Variants in MYH8 observed in about 807,000 individuals in gnomAD.
MYH8 encodes myosin-8.
Under a neutral mutation model 233.2 loss-of-function variants are expected in MYH8, and 168 were observed. That is an observed-to-expected ratio of 0.72 (90% confidence interval 0.64 to 0.82). The LOEUF is 0.82. Ranked by LOEUF, MYH8 falls within the 40% of genes least tolerant of loss-of-function variation. The pLI is 0.00. For synonymous variants in MYH8, 785 were observed against 850.6 expected, an observed-to-expected ratio of 0.92 and a Z score of 1.34; for missense variants, 1,995 against 2,327.8, an observed-to-expected ratio of 0.86 and a Z score of 2.94.
At chr17:10,401,484 A>G in intron 23 of MYH8, 33 bp from the exon 24 acceptor site, 1 of 1,614,148 alleles carries the variant, frequency 6.2e-7, no homozygotes, top group Non-Finnish European at 8.5e-7. Flanking sequence ...TATTTCTCCT[A>G]TAAAGCAATT....
At position 10,395,184 on chromosome 17, in the gene MYH8, G is replaced by A; in HGVS notation, c.4911C>T (p.Arg1637=). The change falls in exon 34 of 40, where the codon CGC becomes CGT. Residue 1637 remains arginine, a synonymous_variant. Transcript: ENST00000403437. ...EMEIQLNHAN[R]LAAESLRNYR... ...AGTTCCTTAAACTCTCTGCAGCTAA[G>A]CGATTGGCATGGTTCAGCTGGATTT... The A allele has an allele frequency of 6.2e-7, 1 of 1,614,084 alleles. No homozygotes were observed. Among genetic ancestry groups the A allele is most frequent in the Middle Eastern group, 1.7e-4 (1 of 6,014 alleles).
chr17:10,410,449 G>A (rs1011427922), intron 15 of MYH8, among the ~76,000 whole-genome samples: 1 of 152,134 alleles, frequency 6.6e-6, no homozygotes, highest in African/African-American at 2.4e-5. Flanking sequence ...TTTTATTGTG[G>A]ACATCATGGA....
At position 10,419,125 on chromosome 17, in the gene MYH8, T is replaced by A; in HGVS notation, c.211-95A>T. 7.0e-7 allele frequency: 1 copy of A among 1,418,832 alleles called. No homozygotes were observed. Among genetic ancestry groups the A allele is most frequent in the Non-Finnish European group, 9.8e-7 (1 of 1,017,460 alleles). The allele number at this position is 1,418,832 out of a possible 1,614,324, so 87.9% of individuals were successfully genotyped here. The stretch of plus-strand genomic sequence containing the variant: ...CAGGCTGGAGTGCAGTGGCGCGATC[T>A]CAGCTCACTGCAACCTCCGCCCTCC... On this transcript the variant is annotated intron_variant, in intron 3 of 39. Transcript: ENST00000403437. The surrounding 1 kb of genome is among the most constrained non-coding windows in gnomAD (Gnocchi z 4.0).
At chr17:10,394,108 G>T in intron 35 of MYH8, 141 bp downstream of exon 35, 1 of 1,099,214 alleles carries the variant, frequency 9.1e-7, no homozygotes, top group East Asian at 3.0e-5. Context: ...ATTACCCTAA[G>T]ATAATAGCAA....
Position 10,412,748 on chromosome 17 carries a change from G to A in MYH8, c.1148-20C>T, listed in dbSNP as rs1338006754. On this transcript the variant is annotated intron_variant, in intron 12 of 39. Coordinates refer to ENST00000403437, the MANE Select transcript of MYH8 (RefSeq NM_002472.3). ...CAGCGACTGCAGAGACACAGTTCAG[G>A]ACATGTTGTTTCATGAAGGATATCC... is the stretch of plus-strand genomic sequence containing the variant. The A allele has an allele frequency of 6.3e-7, 1 of 1,574,878 alleles. No homozygotes were observed. The highest frequency in any genetic ancestry group is 8.7e-7 in the Non-Finnish European group (1 of 1,144,624).
Position 10,420,085 on chromosome 17 carries a change from G to A in MYH8, c.143C>T (p.Ser48Phe), listed in dbSNP as rs146669648. 379 of 1,614,124 alleles carry A rather than the reference G, an allele frequency of 2.3e-4. No homozygotes were observed. In the African/African-American group the frequency reaches 3.7e-3, roughly 16 times the overall value. The change falls in exon 3 of 40, where the codon TCC becomes TTC. Residue 48 changes from serine to phenylalanine, a missense_variant. Ser to Phe is a radical substitution (Grantham distance 155). Around this residue, in one of 3 missense-constraint regions of MYH8, gnomAD observed 479 missense variants for 600.9 expected, o/e 0.80. Transcript: ENST00000403437. ...TSVFVAEPKE[S>F]YVKSTIQSKE... Reference sequence around the variant, plus strand: ...GCTTTGTATAGTGCTCTTCACATAGGATTCCTTGGGCTCCGCCACAAAGAC... The same window carrying A: ...GCTTTGTATAGTGCTCTTCACATAGAATTCCTTGGGCTCCGCCACAAAGAC...
intron 38 of MYH8, 38 bp from the exon 39 acceptor site, chr17:10,392,015 A>G: frequency 6.5e-7 from 1 of 1,548,536 alleles, no homozygotes; most frequent in Non-Finnish European, 8.9e-7. Flanking sequence ...TTCATTCCGA[A>G]GAGATAAGGC....
intron 35 of MYH8, among the ~76,000 whole-genome samples, 168 bp downstream of exon 35, chr17:10,394,080 AT>A (rs2072056976): frequency 2.0e-5 from 3 of 151,022 alleles, no homozygotes; most frequent in African/African-American, 7.3e-5. Flanking sequence ...ACAAAAAAAA[AT>A]CACCCATAAT....
Position 10,400,076 on chromosome 17 carries a change from G to A in MYH8, c.3735+314C>T, listed in dbSNP as rs1336868640. Among the ~76,000 whole-genome samples, 1 of 152,058 alleles carries A rather than the reference G, an allele frequency of 6.6e-6. No homozygotes were observed. The highest frequency in any genetic ancestry group is 1.9e-4 in the East Asian group (1 of 5,172). On this transcript the variant is annotated intron_variant, in intron 27 of 39. Transcript: ENST00000403437. The surrounding 1 kb of genome is among the most constrained non-coding windows in gnomAD (Gnocchi z 4.0). Reference sequence around the variant, plus strand: ...AAATTAGCTAGGCGTGCTGGCGGGCGCCTGTAGTCCCAGCTACTGGGGAGG... The same window carrying A: ...AAATTAGCTAGGCGTGCTGGCGGGCACCTGTAGTCCCAGCTACTGGGGAGG...
chr17:10,397,853 A>T (rs80289254), intron 30 of MYH8, among the ~76,000 whole-genome samples: 3 of 152,322 alleles, frequency 2.0e-5, no homozygotes, highest in Non-Finnish European at 4.4e-5. Context: ...CTGATACATA[A>T]ATCAGGACAA....
rs141215006 is a variant in MYH8, at chr17:10,392,944, G to T, written c.5350C>A (p.Arg1784=). ...KEQDTSAHLE[R]MKKNLEQTVK... ...GTCTGCTCCAGGTTCTTCTTCATCC[G>T]CTCCAGGTGGGCGCTGGTGTCCTGT... Residue 1784 remains arginine, a synonymous_variant, in exon 37 of 40, where the codon CGG becomes AGG. Coordinates refer to ENST00000403437, the MANE Select transcript of MYH8 (RefSeq NM_002472.3). 18 of 1,613,984 alleles carry T rather than the reference G, an allele frequency of 1.1e-5. No homozygotes were observed. Among genetic ancestry groups the T allele is most frequent in the Non-Finnish European group, 1.5e-5 (18 of 1,180,030 alleles).
rs2072067493 is a variant in MYH8 at position 10,395,159 on chromosome 17, A to G, written c.4936T>C (p.Tyr1646His). 6.2e-7 allele frequency: 1 copy of G among 1,613,602 alleles called. No homozygotes were observed. Among genetic ancestry groups the G allele is most frequent in the Non-Finnish European group, 8.5e-7 (1 of 1,180,030 alleles). Residue 1646 changes from tyrosine (Y) to histidine (H), a missense_variant, in exon 34 of 40, where the codon TAC (tyrosine) becomes CAC (histidine). Transcript: ENST00000403437. ...TTCAGGATTCCTTGGGTGTTCCTGT[A>G]GTTCCTTAAACTCTCTGCAGCTAAG... The part of the protein sequence containing the change: ...NRLAAESLRN[Y>H]RNTQGILKET...
At position 10,409,395 on chromosome 17, in the gene MYH8, G is replaced by A; in HGVS notation, c.1781C>T (p.Thr594Ile). 1 of 1,614,234 alleles carries A rather than the reference G, an allele frequency of 6.2e-7. No individual in the cohort carries two copies. ...HYAGTVDYNI[T>I]GWLDKNKDPL... ...GTCCTTATTTTTGTCCAGCCAGCCA[G>A]TAATGTTGTAGTCCACAGTGCCAGC... The change falls in exon 16 of 40, where the codon ACT becomes ATT. Residue 594 changes from threonine to isoleucine, a missense_variant. Around this residue, in one of 3 missense-constraint regions of MYH8, gnomAD observed 1,498 missense variants for 1,680.9 expected, o/e 0.89. Coordinates refer to ENST00000403437, the MANE Select transcript of MYH8 (RefSeq NM_002472.3).
At chr17:10,395,787 T>G (rs2072073065) in intron 33 of MYH8, among the ~76,000 whole-genome samples, 2 of 152,134 alleles carry the variant, frequency 1.3e-5, no homozygotes, top group Admixed American at 6.5e-5. Context: ...AACTATCAGT[T>G]TTAAAATGTT....
chr17:10,411,532 A>T (rs1320834758), intron 14 of MYH8, among the ~76,000 whole-genome samples: 2 of 152,198 alleles, frequency 1.3e-5, no homozygotes, highest in Non-Finnish European at 2.9e-5. Context: ...TTAAAAGTTC[A>T]ACCATGGTCC....
Position 10,400,264 on chromosome 17 carries a change from A to G in MYH8, c.3735+126T>C. On this transcript the variant is annotated intron_variant, in intron 27 of 39. Coordinates refer to ENST00000403437, the MANE Select transcript of MYH8 (RefSeq NM_002472.3). This position sits in a 1 kb window ranked among gnomAD's most constrained non-coding sequence, Gnocchi z 4.0. ...CCAGCATTTTAAAAAATACCATAGA[A>G]TGGGATATATTTGGTTAGAAAATAT... 8.0e-7 allele frequency: 1 copy of G among 1,256,558 alleles called. No homozygotes were observed. Among genetic ancestry groups the G allele is most frequent in the South Asian group, 1.2e-5 (1 of 82,886 alleles). 77.8% of individuals were successfully genotyped at this position (1,256,558 alleles called of 1,614,324 possible).
Position 10,418,679 on chromosome 17 carries a change from G to A in MYH8, c.477C>T (p.Ser159=), listed in dbSNP as rs764440740. 7 of 1,613,914 alleles carry A rather than the reference G, an allele frequency of 4.3e-6. No individual in the cohort carries two copies. The highest frequency in any genetic ancestry group is 1.7e-4 in the Middle Eastern group (1 of 6,002). ...KRQEAPPHIF[S]ISDNAYQFML... ...TGAACTGATAGGCATTGTCAGAGAT[G>A]GAGAAGATGTGGGGCGGGGCCTCCT... Residue 159 remains serine (S), a synonymous_variant, in exon 5 of 40, where the codon TCC becomes TCT. Coordinates refer to ENST00000403437, the MANE Select transcript of MYH8 (RefSeq NM_002472.3).
chr17:10,404,514 A>G lies in MYH8; in HGVS notation c.2504T>C (p.Leu835Pro). 1 of 1,614,008 alleles carries G rather than the reference A, an allele frequency of 6.2e-7. No homozygotes were observed. The highest frequency in any genetic ancestry group is 1.1e-5 in the South Asian group (1 of 91,078). The change falls in exon 22 of 40, where the codon CTC (leucine) becomes CCC (proline). Residue 835 changes from leucine (L) to proline (P), a missense_variant. Coordinates refer to ENST00000403437, the MANE Select transcript of MYH8 (RefSeq NM_002472.3). ...GAGGAGGGGCTTAATCTTGAAAAAG[A>G]GTTTCATCCAGGGCCAGTGCTTGAC... ...MNVKHWPWMK[L>P]FFKIKPLLKS...
At chr17:10,418,298 T>G (rs1052930729) in intron 5 of MYH8, among the ~76,000 whole-genome samples, 5 of 152,226 alleles carry the variant, frequency 3.3e-5, no homozygotes, top group African/African-American at 1.2e-4. Context: ...TTTTAAAAAG[T>G]CTGTTTGAAC....
Sources: allele counts gnomAD v4.1 joint callset (sites outside exome capture counted in the v4.1 genomes callset), GRCh38; gene constraint gnomAD v4.1.1; regional missense constraint gnomAD v4.1.1; non-coding constraint Gnocchi (gnomAD v3.1); transcripts MANE v1.5; gene names NCBI Gene and HGNC (gene_info 2026-07-23, HGNC 2026-07-21).